Variants in IFT74 observed in about 807,000 individuals in gnomAD.
IFT74 encodes intraflagellar transport protein 74 homolog.
In IFT74, 92 loss-of-function variants were observed where a neutral mutation model predicts 96.7. The ratio of observed to expected loss-of-function variants is 0.95; its 90% CI spans 0.80 to 1.13. IFT74 has a LOEUF of 1.13. Ranked by LOEUF, IFT74 falls within the 50% of genes most tolerant of loss-of-function variation. IFT74 has a pLI of 0.00. For synonymous variants in IFT74, 223 were observed against 213.2 expected, an observed-to-expected ratio of 1.05 and a Z score of -0.40; for missense variants, 811 against 698.2, an observed-to-expected ratio of 1.16 and a Z score of -1.82.
Position 26,996,490 on chromosome 9 carries a change from T to G in IFT74, c.587+6295T>G, listed in dbSNP as rs140329742. The G allele has an allele frequency of 4.3e-5, 62 of 1,440,792 alleles. No individual in the cohort carries two copies. In the African/African-American group the frequency reaches 7.3e-4, roughly 17 times the overall value. The allele number at this position is 1,440,792 out of a possible 1,614,324, so 89.3% of individuals were successfully genotyped here. On this transcript the variant is annotated intron_variant, in intron 8 of 19. Coordinates refer to ENST00000380062, the MANE Select transcript of IFT74 (RefSeq NM_025103.4). ...GTTGGGGTAGCTACACATGGTGATG[T>G]TCTCATTTTCTAGTAAATCAGAAAG...
chr9:26,995,277 C>CT (rs1828081986), intron 8 of IFT74: 2 of 334,668 alleles, frequency 6.0e-6, no homozygotes, highest in African/African-American at 4.1e-5. Flanking sequence ...CACCCAAGCA[C>CT]TGCTAAGAAT....
chr9:27,002,787 C>A (rs1391608673), intron 8 of IFT74, among the ~76,000 whole-genome samples: 1 of 152,022 alleles, frequency 6.6e-6, no homozygotes, highest in South Asian at 2.1e-4. Flanking sequence ...TTTTATGGTT[C>A]CATATGAATT....
intron 2 of IFT74, among the ~76,000 whole-genome samples, chr9:26,973,681 T>A (rs1032288799): frequency 2.0e-5 from 3 of 152,196 alleles, no homozygotes; most frequent in Admixed American, 2.0e-4. Context: ...ATCTTGATGT[T>A]TGACTTTTGT....
At chr9:26,980,214 C>G (rs1309824325) in intron 3 of IFT74, among the ~76,000 whole-genome samples, 2 of 152,190 alleles carry the variant, frequency 1.3e-5, no homozygotes, top group African/African-American at 4.8e-5. Flanking sequence ...CCTCTGTCCA[C>G]TTTATTGGAC....
intron 2 of IFT74, among the ~76,000 whole-genome samples, chr9:26,973,327 G>A (rs1026511667): frequency 1.3e-5 from 2 of 152,164 alleles, no homozygotes; most frequent in Admixed American, 1.3e-4. Context: ...ATTATAGGGA[G>A]ACATACAGGG....
chr9:26,948,168 A>G (rs1207692033), intron 1 of IFT74, among the ~76,000 whole-genome samples: 2 of 152,094 alleles, frequency 1.3e-5, no homozygotes, highest in African/African-American at 4.8e-5. Context: ...GACTTTTGAT[A>G]CTTCTTTGCT....
chr9:27,022,682 G>A (rs550324884), intron 12 of IFT74, among the ~76,000 whole-genome samples: 21 of 147,986 alleles, frequency 1.4e-4, no homozygotes, highest in Admixed American at 6.8e-4. Context: ...TTGCTCTGTC[G>A]CCCAGGCTGG....
At chr9:27,054,335 T>C (rs1327482429) in intron 16 of IFT74, among the ~76,000 whole-genome samples, 1 of 152,212 alleles carries the variant, frequency 6.6e-6, no homozygotes, top group African/African-American at 2.4e-5. Context: ...AAGCCTTTAA[T>C]TGAAAGGCAT....
chr9:26,961,816 A>T, intron 1 of IFT74, 133 bp from the exon 2 acceptor site: 1 of 757,890 alleles, frequency 1.3e-6, no homozygotes, highest in Non-Finnish European at 2.1e-6. Context: ...GAACAAAATT[A>T]GCCTTGTAGT....
chr9:26,954,606 A>G (rs1826023939), upstream of IFT74, among the ~76,000 whole-genome samples: 1 of 150,532 alleles, frequency 6.6e-6, no homozygotes, highest in Non-Finnish European at 1.5e-5. Flanking sequence ...GCACTAATCT[A>G]GTATGGACTG....
At chr9:26,976,059 G>A (rs923662519) in intron 2 of IFT74, among the ~76,000 whole-genome samples, 3 of 152,120 alleles carry the variant, frequency 2.0e-5, no homozygotes, top group African/African-American at 7.2e-5. Context: ...TTTTCACCTT[G>A]GTCTGTGCAC....
In IFT74 at chr9:27,063,754, C is replaced by T. The variant is rs999195358; in HGVS notation, c.*1018C>T. ...TTATTTACATACTTTAAAATTTACT[C>T]ATATATGTTGATTTTTAAAAATAAA... On this transcript the variant is annotated 3_prime_UTR_variant, in exon 20 of 20. Coordinates refer to ENST00000380062, the MANE Select transcript of IFT74 (RefSeq NM_025103.4). Among the ~76,000 whole-genome samples the T allele has an allele frequency of 7.9e-5, 12 of 152,120 alleles. No homozygotes were observed. Among genetic ancestry groups the T allele is most frequent in the African/African-American group, 2.9e-4 (12 of 41,532 alleles).
At chr9:26,964,865 A>G (rs1826538571) in intron 2 of IFT74, among the ~76,000 whole-genome samples, 1 of 152,206 alleles carries the variant, frequency 6.6e-6, no homozygotes, top group Admixed American at 6.5e-5. Flanking sequence ...AGTAAATGTT[A>G]AAGAGCTTAA....
In IFT74 at chr9:27,029,119, T is replaced by C; in HGVS notation, c.1054+15T>C. On this transcript the variant is annotated intron_variant, in intron 13 of 19. Transcript: ENST00000380062. ...GGAACACCAAGGTATGCTTCTGGTATTTTTATAATGTAGATTAACAGATGT... is the reference window on the plus strand; with the variant it reads ...GGAACACCAAGGTATGCTTCTGGTACTTTTATAATGTAGATTAACAGATGT... 1 of 1,576,574 alleles carries C rather than the reference T, an allele frequency of 6.3e-7. No homozygotes were observed. The highest frequency in any genetic ancestry group is 8.7e-7 in the Non-Finnish European group (1 of 1,155,384).
chr9:26,996,377 T>C (rs1263160106), intron 8 of IFT74: 2 of 1,609,472 alleles, frequency 1.2e-6, no homozygotes, highest in African/African-American at 1.3e-5. Flanking sequence ...TGAAAATGAA[T>C]ATAAAGATCT....
chr9:26,970,787 T>C (rs906061580), intron 2 of IFT74, among the ~76,000 whole-genome samples: 3 of 152,216 alleles, frequency 2.0e-5, no homozygotes, highest in Non-Finnish European at 4.4e-5. Flanking sequence ...CTCAAAATAA[T>C]TCCCAAGTAA....
chr9:26,996,367 T>C (rs1215436611), intron 8 of IFT74: 10 of 1,608,464 alleles, frequency 6.2e-6, no homozygotes, highest in Non-Finnish European at 6.8e-6. Context: ...GCTGATGGGC[T>C]GAAAATGAAT....
intron 8 of IFT74, among the ~76,000 whole-genome samples, chr9:27,006,248 A>G (rs1320705715): frequency 1.3e-5 from 2 of 152,196 alleles, no homozygotes; most frequent in Non-Finnish European, 2.9e-5. Context: ...CTTTTGAAAG[A>G]TATACTGTTG....
At chr9:26,995,734 C>T in intron 8 of IFT74, 2 of 1,613,792 alleles carry the variant, frequency 1.2e-6, no homozygotes, top group Non-Finnish European at 1.7e-6. Context: ...TATAACTAAG[C>T]AGAATATTGT....
Sources: allele counts gnomAD v4.1 joint callset (sites outside exome capture counted in the v4.1 genomes callset), GRCh38; gene constraint gnomAD v4.1.1; transcripts MANE v1.5; gene names NCBI Gene and HGNC (gene_info 2026-07-23, HGNC 2026-07-21).